The following ATP2C2 variants were observed in gnomAD, a reference collection of about 807,000 sequenced individuals.
The protein encoded by ATP2C2 is ATPase secretory pathway Ca2+ transporting 2, also known as calcium-transporting ATPase type 2C member 2.
ATP2C2 carries 171 observed loss-of-function variants against 110.8 expected under a neutral mutation model. The observed-to-expected ratio is 1.54, with a 90% CI of 1.36 to 1.75. The LOEUF (loss-of-function observed/expected upper bound fraction) is 1.75, where lower values mean the gene tolerates loss of function less well. Among genes scored for constraint, ATP2C2 ranks in the 40% most tolerant of loss-of-function variants. ATP2C2 has a pLI of 0.00. For missense variants in ATP2C2, 1,963 were observed against 1,235.0 expected, an observed-to-expected ratio of 1.59 and a Z score of -8.84; for synonymous variants, 804 against 508.4, an observed-to-expected ratio of 1.58 and a Z score of -7.82.
In ATP2C2 at chr16:84,408,408, A is replaced by T. The variant is rs1371388574; in HGVS notation, c.331A>T (p.Lys111Ter). Reference sequence around the variant, plus strand: ...CACCCTGTTATTTCCTCTTCAGTTTAAGAACCCCCTGATCCTGCTGCTGCT... The same window carrying T: ...CACCCTGTTATTTCCTCTTCAGTTTTAGAACCCCCTGATCCTGCTGCTGCT... ...PVWKKYLDQF[K>*]NPLILLLLGS... Residue 111 changes from lysine (K) to a stop codon, truncating the protein, a stop_gained, in exon 4 of 27, where the codon AAG (lysine) becomes TAG (stop). Transcript: ENST00000262429. LOFTEE classifies it high-confidence loss of function. 6.2e-7 allele frequency: 1 copy of T among 1,613,674 alleles called. No individual in the cohort carries two copies. The highest frequency in any genetic ancestry group is 1.3e-5 in the African/African-American group (1 of 74,874).
chr16:84,389,206 GTTC>G (rs957204028), intron 1 of ATP2C2, among the ~76,000 whole-genome samples: 2 of 152,154 alleles, frequency 1.3e-5, no homozygotes, highest in African/African-American at 4.8e-5. Flanking sequence ...CCGTTTTCTT[GTTC>G]TTCTCAGCAC....
At chr16:84,371,977 A>G (rs1909981288) in intron 1 of ATP2C2, among the ~76,000 whole-genome samples, 2 of 152,224 alleles carry the variant, frequency 1.3e-5, no homozygotes, top group African/African-American at 4.8e-5. Flanking sequence ...CCAACGTGTC[A>G]GAGCTGGGAG....
rs529175124 is a variant in ATP2C2, at chr16:84,450,360, C to T, written c.1661-1561C>T. Among the ~76,000 whole-genome samples, 5 of 152,252 alleles carry T rather than the reference C, an allele frequency of 3.3e-5. No homozygotes were observed. In the South Asian group the frequency reaches 1.0e-3, roughly 32 times the overall value. On this transcript the variant is annotated intron_variant, in intron 17 of 26. Transcript: ENST00000262429. ...ACAGTGCCCGAGTGACTTAGAGAGGCCCCCAACCTGCTAGATCCCCTGGAG... is the reference window on the plus strand; with the variant it reads ...ACAGTGCCCGAGTGACTTAGAGAGGTCCCCAACCTGCTAGATCCCCTGGAG...
chr16:84,407,179 TC>T, intron 3 of ATP2C2: 1 of 152,228 alleles, frequency 6.6e-6, no homozygotes. Context: ...CTCCTATCTT[TC>T]CCCCAGTGAC....
chr16:84,391,328 G>A (rs1448101613), intron 1 of ATP2C2, among the ~76,000 whole-genome samples: 2 of 152,172 alleles, frequency 1.3e-5, no homozygotes. Context: ...CAGCCCCGGG[G>A]CAGCTACTGC....
Position 84,464,015 on chromosome 16 carries a change from A to C in ATP2C2, c.*283A>C. Reference sequence around the variant, plus strand: ...TGATTTTTATTAACCATGTCTAACTACGTATCTGTGCCACAGCTTGCAGTG... The same window carrying C: ...TGATTTTTATTAACCATGTCTAACTCCGTATCTGTGCCACAGCTTGCAGTG... On this transcript the variant is annotated 3_prime_UTR_variant, in exon 27 of 27. Coordinates refer to ENST00000262429, the MANE Select transcript of ATP2C2 (RefSeq NM_014861.4). 3.3e-6 allele frequency: 1 copy of C among 299,238 alleles called. No individual in the cohort carries two copies. Among genetic ancestry groups the C allele is most frequent in the Non-Finnish European group, 6.3e-6 (1 of 159,406 alleles). 18.5% of individuals were successfully genotyped at this position (299,238 alleles called of 1,614,324 possible). A position where few individuals can be genotyped will look rare whatever the true frequency, so the allele number is the denominator to read the frequency against.
intron 23 of ATP2C2, chr16:84,459,883 A>C: frequency 2.9e-6 from 1 of 346,836 alleles, no homozygotes; most frequent in Non-Finnish European, 5.5e-6. Flanking sequence ...AGGGCTTGCC[A>C]CTCAGTAGGT....
intron 1 of ATP2C2, among the ~76,000 whole-genome samples, chr16:84,394,395 C>A (rs1229068215): frequency 1.3e-5 from 2 of 152,042 alleles, no homozygotes; most frequent in African/African-American, 4.8e-5. Flanking sequence ...GCTTTCTGCT[C>A]CTACGAATTT....
chr16:84,390,199 G>C (rs539081882), intron 1 of ATP2C2, among the ~76,000 whole-genome samples: 47 of 152,222 alleles, frequency 3.1e-4, no homozygotes, highest in Non-Finnish European at 6.0e-4. Context: ...CGCAGTCCAA[G>C]TTCGCAATGA....
intron 15 of ATP2C2, among the ~76,000 whole-genome samples, chr16:84,444,704 G>A (rs1020282822): frequency 9.2e-5 from 14 of 152,196 alleles, no homozygotes; most frequent in African/African-American, 3.4e-4. Context: ...CGTCCCTGCA[G>A]CCTAGAGAGG....
chr16:84,460,516 A>T, intron 23 of ATP2C2, 138 bp from the exon 24 acceptor site: 1 of 1,228,982 alleles, frequency 8.1e-7, no homozygotes. Flanking sequence ...GGCAGGTGCG[A>T]TGCCTGGGGG....
chr16:84,374,991 T>G (rs2151394527), intron 1 of ATP2C2, among the ~76,000 whole-genome samples: 1 of 152,274 alleles, frequency 6.6e-6, no homozygotes, highest in African/African-American at 2.4e-5. Context: ...AAGGATGGTA[T>G]TCGGATGGTT....
chr16:84,454,813 CA>C lies in ATP2C2; in HGVS notation c.1981-2del, dbSNP rs1456705935. On this transcript the variant is annotated splice_polypyrimidine_tract_variant and splice_region_variant and intron_variant, in intron 20 of 26. Coordinates refer to ENST00000262429, the MANE Select transcript of ATP2C2 (RefSeq NM_014861.4). Reference sequence around the variant, plus strand: ...GCAGGCCTTCATTGCCTGCTCTTTCCAAAGGCTCTGCAGGAGTCAGGGGCGA... The same window carrying C: ...GCAGGCCTTCATTGCCTGCTCTTTCCAAGGCTCTGCAGGAGTCAGGGGCGA... 1.4e-5 allele frequency: 22 copies of C among 1,584,178 alleles called. No homozygotes were observed. Among genetic ancestry groups the C allele is most frequent in the Non-Finnish European group, 1.9e-5 (22 of 1,166,816 alleles).
At chr16:84,375,991 G>T (rs752748903) in intron 1 of ATP2C2, among the ~76,000 whole-genome samples, 5 of 152,132 alleles carry the variant, frequency 3.3e-5, no homozygotes, top group Admixed American at 6.5e-5. Context: ...GGTGGGAGTG[G>T]TACTGTAAAC....
chr16:84,409,045 A>G (rs1246391147), intron 4 of ATP2C2, among the ~76,000 whole-genome samples: 1 of 152,088 alleles, frequency 6.6e-6, no homozygotes, highest in East Asian at 1.9e-4. Flanking sequence ...CGCTCCTACC[A>G]GCCCTTGGCA....
intron 17 of ATP2C2, among the ~76,000 whole-genome samples, chr16:84,449,549 G>C (rs1369030055): frequency 6.6e-6 from 1 of 152,202 alleles, no homozygotes; most frequent in African/African-American, 2.4e-5. Flanking sequence ...GATTGGAAGA[G>C]ACGGTGAATC....
At chr16:84,378,338 A>T (rs1174823495) in intron 1 of ATP2C2, among the ~76,000 whole-genome samples, 1 of 152,102 alleles carries the variant, frequency 6.6e-6, no homozygotes, top group East Asian at 1.9e-4. Context: ...CGCCGGCCAC[A>T]TGGATTTAGG....
chr16:84,414,475 T>G (rs373718333), intron 6 of ATP2C2, among the ~76,000 whole-genome samples: 1 of 152,120 alleles, frequency 6.6e-6, no homozygotes, highest in African/African-American at 2.4e-5. Flanking sequence ...TGTGTGTGTG[T>G]GCGTGCACGC....
intron 9 of ATP2C2, 119 bp from the exon 10 acceptor site, chr16:84,423,069 A>G (rs1907497794): frequency 1.3e-6 from 1 of 792,518 alleles, no homozygotes. Context: ...ATGTTGACAT[A>G]TGTGTACCCC....
Sources: allele counts gnomAD v4.1 joint callset (sites outside exome capture counted in the v4.1 genomes callset), GRCh38; gene constraint gnomAD v4.1.1; transcripts MANE v1.5; gene names NCBI Gene and HGNC (gene_info 2026-07-23, HGNC 2026-07-21).